The following CAPN7 variants were observed in gnomAD, a reference collection of about 807,000 sequenced individuals.
CAPN7 encodes calpain-7.
Under a neutral mutation model 115.2 loss-of-function variants are expected in CAPN7, and 72 were observed. That is an observed-to-expected ratio of 0.63 (90% CI 0.52 to 0.76). The LOEUF (loss-of-function observed/expected upper bound fraction) is 0.76. CAPN7 is among the 30% of genes least tolerant of loss of function. The pLI is 0.00. For missense variants in CAPN7, 905 were observed against 971.5 expected, an observed-to-expected ratio of 0.93 and a Z score of 0.91; for synonymous variants, 344 against 322.3, an observed-to-expected ratio of 1.07 and a Z score of -0.72.
At chr3:15,223,312 A>G (rs768978047) in intron 5 of CAPN7, among the ~76,000 whole-genome samples, 163 bp from the exon 6 acceptor site, 3 of 152,196 alleles carry the variant, frequency 2.0e-5, no homozygotes, top group Admixed American at 6.5e-5. Flanking sequence ...CTGATTTTCA[A>G]TTATTTTATG....
At chr3:15,231,325 C>T (rs1287859023) in intron 9 of CAPN7, among the ~76,000 whole-genome samples, 1 of 152,112 alleles carries the variant, frequency 6.6e-6, no homozygotes, top group African/African-American at 2.4e-5. Context: ...GCATTTCTAA[C>T]AAGATTCCAG....
chr3:15,248,465 G>A (rs1695801834), intron 19 of CAPN7, among the ~76,000 whole-genome samples: 1 of 152,164 alleles, frequency 6.6e-6, no homozygotes, highest in Admixed American at 6.5e-5. Context: ...ACTCATGTAA[G>A]GATGCACACT....
intron 10 of CAPN7, 136 bp from the exon 11 acceptor site, chr3:15,233,731 A>G: frequency 1.7e-6 from 1 of 590,774 alleles, no homozygotes; most frequent in South Asian, 2.0e-5. Context: ...GAAATATATT[A>G]CTAGTTGAAA....
intron 3 of CAPN7, among the ~76,000 whole-genome samples, chr3:15,217,925 GT>G: frequency 6.6e-6 from 1 of 152,278 alleles, no homozygotes; most frequent in East Asian, 1.9e-4. Flanking sequence ...AAATAAGCTA[GT>G]GGTTTGGATG....
rs1306294970 is a variant in CAPN7, at chr3:15,252,008, T to C, written c.*748T>C. On this transcript the variant is annotated 3_prime_UTR_variant, in exon 21 of 21. Coordinates refer to ENST00000253693, the MANE Select transcript of CAPN7 (RefSeq NM_014296.3). Reference sequence around the variant, plus strand: ...AGACATTACAATTTAGTTTGTGTGGTCTTTTTTTAAATTGCTGTATCGTTC... The same window carrying C: ...AGACATTACAATTTAGTTTGTGTGGCCTTTTTTTAAATTGCTGTATCGTTC... 6.6e-6 allele frequency: 1 copy of C among 152,504 alleles called. No individual in the cohort carries two copies. Among genetic ancestry groups the C allele is most frequent in the Non-Finnish European group, 1.5e-5 (1 of 68,020 alleles). The allele number at this position is 152,504 out of a possible 1,614,324, so 9.4% of individuals were successfully genotyped here.
chr3:15,217,888 C>A (rs1281978804), intron 3 of CAPN7, among the ~76,000 whole-genome samples: 1 of 152,150 alleles, frequency 6.6e-6, no homozygotes, highest in Non-Finnish European at 1.5e-5. Flanking sequence ...GAATAAACTT[C>A]CCCTTTTTTC....
intron 12 of CAPN7, among the ~76,000 whole-genome samples, chr3:15,239,600 A>T (rs1332216201): frequency 6.6e-6 from 1 of 152,250 alleles, no homozygotes; most frequent in Non-Finnish European, 1.5e-5. Flanking sequence ...AAACTAATGT[A>T]ATACAGATTG....
intron 1 of CAPN7, among the ~76,000 whole-genome samples, chr3:15,210,102 A>G (rs73142931): frequency 0.12 from 18,913 of 151,722 alleles, 3,936 homozygotes; most frequent in African/African-American, 0.43. Context: ...CTGGGCTAAA[A>G]CAATCTTCCA....
At position 15,251,270 on chromosome 3, in the gene CAPN7, C is replaced by T. The variant is rs11920123; in HGVS notation, c.*10C>T. On this transcript the variant is annotated 3_prime_UTR_variant, in exon 21 of 21. Coordinates refer to ENST00000253693, the MANE Select transcript of CAPN7 (RefSeq NM_014296.3). ...CACACAACTTCAGTGATGGAGAAAT[C>T]TCAAGTTACTGGCTTTTATACTTAC... The T allele has an allele frequency of 7.3e-4, 1,142 of 1,574,830 alleles. 7 individuals are homozygous for T. The African/African-American group carries it at 0.014, about 19-fold the overall frequency.
chr3:15,217,374 C>T, intron 2 of CAPN7, 51 bp from the exon 3 acceptor site: 3 of 1,385,722 alleles, frequency 2.2e-6, no homozygotes, highest in Non-Finnish European at 2.9e-6. Flanking sequence ...AGTGTGTTTT[C>T]TGGCTGTATT....
intron 7 of CAPN7, among the ~76,000 whole-genome samples, chr3:15,228,495 AAAAT>A (rs1343557353): frequency 6.6e-6 from 1 of 152,244 alleles, no homozygotes; most frequent in Non-Finnish European, 1.5e-5. Flanking sequence ...TTGGATGAAG[AAAAT>A]GTGGTACATA....
rs772896874 is a variant in CAPN7 at position 15,230,451 on chromosome 3, C to T, written c.948C>T (p.Tyr316=). 3 of 1,607,496 alleles carry T rather than the reference C, an allele frequency of 1.9e-6. No individual in the cohort carries two copies. The highest frequency in any genetic ancestry group is 1.7e-6 in the Non-Finnish European group (2 of 1,174,264). Residue 316 remains tyrosine, a synonymous_variant, in exon 9 of 21, where the codon TAC becomes TAT. Transcript: ENST00000253693. ...ATTTTTCTTACAAAAGCATAATTTA[C>T]CCTCAAAACAAGGATGGTGAACCAG... ...FNKKLITGII[Y]PQNKDGEPEY... is the part of the protein sequence containing the mutation.
At chr3:15,218,096 C>T (rs1031848209) in intron 3 of CAPN7, among the ~76,000 whole-genome samples, 1 of 152,168 alleles carries the variant, frequency 6.6e-6, no homozygotes. Context: ...CTGGTATCCC[C>T]ATGTCTTTCT....
intron 12 of CAPN7, among the ~76,000 whole-genome samples, chr3:15,236,790 A>C (rs1695018369): frequency 6.6e-6 from 1 of 152,232 alleles, no homozygotes; most frequent in Admixed American, 6.5e-5. Flanking sequence ...AAACACAGTA[A>C]AAATACAGTA....
chr3:15,223,301 T>C (rs1331734971), intron 5 of CAPN7, among the ~76,000 whole-genome samples, 174 bp from the exon 6 acceptor site: 2 of 152,230 alleles, frequency 1.3e-5, no homozygotes, highest in Non-Finnish European at 2.9e-5. Flanking sequence ...TCAGTTATTT[T>C]CTGATTTTCA....
At chr3:15,248,623 C>G (rs1486657910) in intron 19 of CAPN7, among the ~76,000 whole-genome samples, 1 of 152,134 alleles carries the variant, frequency 6.6e-6, no homozygotes, top group Non-Finnish European at 1.5e-5. Flanking sequence ...GGTGTTTATT[C>G]ACTTTGCAAA....
intron 16 of CAPN7, among the ~76,000 whole-genome samples, chr3:15,242,963 A>G (rs561571968): frequency 6.6e-6 from 1 of 152,310 alleles, no homozygotes; most frequent in Admixed American, 6.5e-5. Context: ...TTTATGTTCT[A>G]GTTGGGGAGA....
At chr3:15,236,320 G>A (rs1041621046) in intron 12 of CAPN7, among the ~76,000 whole-genome samples, 7 of 152,170 alleles carry the variant, frequency 4.6e-5, no homozygotes, top group African/African-American at 1.2e-4. Context: ...GCAATATCTG[G>A]TTAGAATATT....
chr3:15,218,669 A>G (rs1301708215), intron 4 of CAPN7, 129 bp downstream of exon 4: 2 of 698,088 alleles, frequency 2.9e-6, no homozygotes, highest in Non-Finnish European at 5.1e-6. Context: ...AAACAAATCT[A>G]CTTTCTACTT....
Sources: gnomAD v4.1 joint callset for allele counts (sites outside exome capture counted in the v4.1 genomes callset) on GRCh38, gnomAD v4.1.1 for gene constraint, MANE v1.5 for transcripts, NCBI Gene and HGNC (gene_info 2026-07-23, HGNC 2026-07-21) for gene names.